The following THOC2 variants were observed in gnomAD, a reference collection of about 807,000 sequenced individuals.
THOC2 encodes THO complex subunit 2.
In THOC2, 10 loss-of-function variants were observed where a neutral mutation model predicts 128.4. The observed-to-expected ratio is 0.08, with a 90% CI of 0.05 to 0.13. The LOEUF is 0.13. THOC2 is among the 10% of genes least tolerant of loss of function. THOC2 has a pLI of 1.00. For missense variants in THOC2, 535 were observed against 1,155.7 expected, an observed-to-expected ratio of 0.46 and a Z score of 7.79; for synonymous variants, 393 against 396.9, an observed-to-expected ratio of 0.99 and a Z score of 0.12.
chrX:123,669,294 T>C (rs2049168064), intron 9 of THOC2, among the ~76,000 whole-genome samples: 1 of 109,800 alleles, frequency 9.1e-6, no homozygotes, highest in African/African-American at 3.3e-5. Flanking sequence ...CTTATACACC[T>C]GGCACAGGTC....
intron 10 of THOC2, among the ~76,000 whole-genome samples, chrX:123,667,853 A>G (rs773023924): frequency 6.9e-4 from 77 of 111,257 alleles, no homozygotes; most frequent in African/African-American, 2.2e-3. Context: ...AGAATTCATC[A>G]TCTCTGAGAA....
intron 2 of THOC2, among the ~76,000 whole-genome samples, chrX:123,711,958 TAAAAAAAAAAAA>T (rs55916247): frequency 2.1e-5 from 1 of 46,853 alleles, no homozygotes; most frequent in Non-Finnish European, 3.5e-5. Flanking sequence ...CTGTCTACTT[TAAAAAAAAAAAA>T]AAAAAAAAAA....
chrX:123,712,222 A>G (rs2051224827), intron 2 of THOC2, among the ~76,000 whole-genome samples: 2 of 111,631 alleles, frequency 1.8e-5, no homozygotes, highest in Admixed American at 9.6e-5. Context: ...CACTTACTAG[A>G]CACAATCACT....
intron 1 of THOC2, among the ~76,000 whole-genome samples, chrX:123,715,473 T>G (rs1376616406): frequency 9.1e-6 from 1 of 109,387 alleles, no homozygotes; most frequent in Non-Finnish European, 1.9e-5. Context: ...ACAACTGAAA[T>G]AGAGAATTAA....
chrX:123,633,300 T>C (rs2047552909), intron 20 of THOC2, among the ~76,000 whole-genome samples: 1 of 112,319 alleles, frequency 8.9e-6, no homozygotes, highest in South Asian at 3.7e-4. Flanking sequence ...TATTCATTAT[T>C]CAGTATGGCA....
chrX:123,650,081 G>A (rs1403382077), intron 12 of THOC2, among the ~76,000 whole-genome samples: 2 of 111,924 alleles, frequency 1.8e-5, no homozygotes, highest in Non-Finnish European at 3.8e-5. Context: ...CCCACAAAGG[G>A]AAGCCCATCA....
At chrX:123,713,211 G>A (rs1030728546) in intron 1 of THOC2, among the ~76,000 whole-genome samples, 1 of 112,258 alleles carries the variant, frequency 8.9e-6, no homozygotes, top group South Asian at 3.7e-4. Context: ...AGTGGCTCAC[G>A]CCTGTAATCC....
chrX:123,722,947 G>C (rs951521546), intron 1 of THOC2, among the ~76,000 whole-genome samples: 1 of 111,756 alleles, frequency 8.9e-6, no homozygotes, highest in Non-Finnish European at 1.9e-5. Flanking sequence ...GGGAGGCCAA[G>C]GCGGGCGGAT....
At chrX:123,673,418 T>C (rs762631210) in intron 8 of THOC2, among the ~76,000 whole-genome samples, 1 of 112,227 alleles carries the variant, frequency 8.9e-6, no homozygotes, top group Non-Finnish European at 1.9e-5. Flanking sequence ...TAAAAATGAA[T>C]TGTGGCCAGG....
intron 4 of THOC2, among the ~76,000 whole-genome samples, chrX:123,700,840 G>A (rs1480509018): frequency 1.8e-5 from 2 of 111,291 alleles, no homozygotes; most frequent in East Asian, 5.6e-4. Context: ...GAACATGGAA[G>A]GTACTCTAAA....
chrX:123,728,756 T>G (rs1054244973), intron 1 of THOC2, among the ~76,000 whole-genome samples: 32 of 112,286 alleles, frequency 2.8e-4, no homozygotes, highest in African/African-American at 9.4e-4. Context: ...CAATTAAATT[T>G]TAAAACTTTA....
chrX:123,631,810 T>G lies in THOC2; in HGVS notation c.2359A>C (p.Asn787His). ...TTTATATAATCTTCTGTGCTCAGAT[T>G]AGATGCTAAAAACCCACCAAACTGC... ...LVQFGGFLASNLSTEDYIKRV... is the reference protein window; with the variant it reads ...LVQFGGFLASHLSTEDYIKRV... The change falls in exon 22 of 39, where the codon AAT (asparagine) becomes CAT (histidine). Residue 787 changes from asparagine (N) to histidine (H), a missense_variant. This residue lies in a region of THOC2 where 90 missense variants were observed against 298.6 expected (regional missense o/e 0.30). Transcript: ENST00000245838. The G allele has an allele frequency of 1.7e-6, 2 of 1,207,204 alleles. No individual in the cohort carries two copies. The highest frequency in any genetic ancestry group is 2.2e-6 in the Non-Finnish European group (2 of 893,556).
intron 15 of THOC2, among the ~76,000 whole-genome samples, chrX:123,644,013 AT>A (rs2048029571): frequency 8.9e-6 from 1 of 112,566 alleles, no homozygotes. Flanking sequence ...GAAGTACATG[AT>A]TTTCATAATT....
intron 22 of THOC2, among the ~76,000 whole-genome samples, chrX:123,630,738 C>G (rs747743698): frequency 9.1e-6 from 1 of 110,163 alleles, no homozygotes; most frequent in Admixed American, 9.7e-5. Context: ...ACTCTCTCAA[C>G]GAAGGCTCTT....
intron 38 of THOC2, chrX:123,601,749 G>A (rs2046290847): frequency 9.1e-6 from 1 of 110,121 alleles, no homozygotes; most frequent in Admixed American, 9.7e-5. Context: ...TGGGGGTAGG[G>A]AGAAAAAAAT....
At chrX:123,710,600 A>T (rs1372191597) in intron 2 of THOC2, among the ~76,000 whole-genome samples, 1 of 111,506 alleles carries the variant, frequency 9.0e-6, no homozygotes, top group East Asian at 2.8e-4. Flanking sequence ...AGGATAAACA[A>T]GAAAATAATT....
intron 2 of THOC2, among the ~76,000 whole-genome samples, chrX:123,711,268 G>A (rs1368618380): frequency 1.3e-4 from 13 of 102,387 alleles, no homozygotes; most frequent in Non-Finnish European, 2.4e-4. Context: ...CAGACCTCAA[G>A]TGATCCACCC....
Position 123,603,736 on chromosome X carries a change from G to T in THOC2, c.*19-2398C>A, listed in dbSNP as rs41312606. The T allele has an allele frequency of 6.5e-3, 2,486 of 381,684 alleles. 12 individuals are homozygous for T. Among genetic ancestry groups the T allele is most frequent in the Middle Eastern group, 0.021 (52 of 2,446 alleles). 31.5% of individuals were successfully genotyped at this position (381,684 alleles called of 1,213,427 possible). On this transcript the variant is annotated intron_variant, in intron 38 of 38. Coordinates refer to ENST00000245838, the MANE Select transcript of THOC2 (RefSeq NM_001081550.2). ...CTCTGGGAGACTTTCGGCTTAGGGG[G>T]TCTGTCCATAGCCTGGAATGACAAA...
rs941270927 is a variant in THOC2, at chrX:123,695,624, G to A, written c.601+397C>T. Reference sequence around the variant, plus strand: ...ATTAAAGTTTTCATGTTTGCTTTTTGGTCCTCCATAAAATGGTTGAGAAAT... The same window carrying A: ...ATTAAAGTTTTCATGTTTGCTTTTTAGTCCTCCATAAAATGGTTGAGAAAT... On this transcript the variant is annotated intron_variant, in intron 7 of 38. Coordinates refer to ENST00000245838, the MANE Select transcript of THOC2 (RefSeq NM_001081550.2). 2.7e-5 allele frequency among the ~76,000 whole-genome samples: 3 copies of A among 111,471 alleles called. No individual in the cohort carries two copies. In the Admixed American group the frequency reaches 2.9e-4, roughly 11 times the overall value.
Sources: allele counts gnomAD v4.1 joint callset (sites outside exome capture counted in the v4.1 genomes callset), GRCh38; gene constraint gnomAD v4.1.1; regional missense constraint gnomAD v4.1.1; transcripts MANE v1.5; gene names NCBI Gene and HGNC (gene_info 2026-07-23, HGNC 2026-07-21).